The following PRELID2 variants were observed in gnomAD, a reference collection of about 807,000 sequenced individuals.
PRELID2 encodes the protein PRELI domain-containing protein 2.
A neutral mutation model predicts 28.4 loss-of-function variants in PRELID2; 25 were observed. The observed-to-expected ratio is 0.88, with a 90% CI of 0.64 to 1.23. PRELID2 has a LOEUF of 1.23. Among genes scored for constraint, PRELID2 ranks in the 50% most tolerant of loss-of-function variants. The pLI is 0.00. For missense variants in PRELID2, 201 were observed against 214.4 expected, an observed-to-expected ratio of 0.94 and a Z score of 0.39; for synonymous variants, 76 against 71.6, an observed-to-expected ratio of 1.06 and a Z score of -0.31.
Position 145,812,114 on chromosome 5 carries a change from A to ATT in PRELID2, c.368+5779_368+5780insAA, listed in dbSNP as rs557946893. Among the ~76,000 whole-genome samples the ATT allele has an allele frequency of 4.8e-3, 726 of 152,258 alleles. 2 individuals are homozygous for ATT. Among genetic ancestry groups the ATT allele is most frequent in the African/African-American group, 0.017 (696 of 41,542 alleles). On this transcript the variant is annotated intron_variant, in intron 4 of 6. Transcript: ENST00000683046. ...ATTGGTCTGGGGGAGCAGGTGTTCT[A>ATT]AGTTGACTCAATCACCATCAGGTGA...
intron 1 of PRELID2, among the ~76,000 whole-genome samples, chr5:145,509,486 CAT>C (rs1298422442): frequency 3.3e-5 from 5 of 152,320 alleles, no homozygotes; most frequent in South Asian, 2.1e-4. Flanking sequence ...GAAAATTTCA[CAT>C]GTCTGAGCAC....
chr5:145,279,694 A>G, the PRELID2 span, among the ~76,000 whole-genome samples: 1 of 152,196 alleles, frequency 6.6e-6, no homozygotes, highest in East Asian at 1.9e-4. Context: ...TTTCAATTAA[A>G]TTCATTTTTT....
At chr5:145,500,084 G>T (rs1459281043) in intron 1 of PRELID2, among the ~76,000 whole-genome samples, 1 of 152,158 alleles carries the variant, frequency 6.6e-6, no homozygotes, top group Non-Finnish European at 1.5e-5. Flanking sequence ...GTGTCGCAAG[G>T]TGGGAACATA....
At chr5:145,569,777 G>A (rs145700153) in intron 1 of PRELID2, among the ~76,000 whole-genome samples, 8 of 152,296 alleles carry the variant, frequency 5.3e-5, no homozygotes, top group South Asian at 2.1e-4. Context: ...CTGTGTGCCC[G>A]ACACTGTACT....
intron 1 of PRELID2, among the ~76,000 whole-genome samples, chr5:145,581,301 A>G (rs1184062788): frequency 6.6e-6 from 1 of 152,028 alleles, no homozygotes; most frequent in African/African-American, 2.4e-5. Context: ...ATATCATCAC[A>G]CATTTGTTCA....
chr5:145,560,852 A>G (rs1196250871), intron 1 of PRELID2, among the ~76,000 whole-genome samples: 1 of 152,172 alleles, frequency 6.6e-6, no homozygotes, highest in Non-Finnish European at 1.5e-5. Context: ...CTTGTTTACA[A>G]TCCATCTGGG....
chr5:145,535,877 T>C (rs1174674088), intron 1 of PRELID2, among the ~76,000 whole-genome samples: 3 of 152,002 alleles, frequency 2.0e-5, no homozygotes, highest in African/African-American at 7.2e-5. Flanking sequence ...GGCAAAGTAA[T>C]GTTCACATCC....
At chr5:145,518,209 T>C (rs2126647213) in intron 1 of PRELID2, among the ~76,000 whole-genome samples, 1 of 151,706 alleles carries the variant, frequency 6.6e-6, no homozygotes, top group South Asian at 2.1e-4. Flanking sequence ...TGGTTTTGTT[T>C]GTGTGTTTGA....
chr5:145,342,333 C>A, the PRELID2 span, among the ~76,000 whole-genome samples: 17 of 152,114 alleles, frequency 1.1e-4, no homozygotes, highest in African/African-American at 3.9e-4. Context: ...TCTGGTGAAG[C>A]AATCACACAA....
chr5:145,658,383 T>C (rs1019086878), intron 1 of PRELID2, among the ~76,000 whole-genome samples: 1 of 152,192 alleles, frequency 6.6e-6, no homozygotes, highest in Non-Finnish European at 1.5e-5. Context: ...TCCATTGAGA[T>C]GCAACATGTG....
intron 1 of PRELID2, among the ~76,000 whole-genome samples, chr5:145,669,326 G>T (rs1308105108): frequency 6.6e-6 from 1 of 152,062 alleles, no homozygotes; most frequent in Non-Finnish European, 1.5e-5. Context: ...GCAAACACAG[G>T]TGTGTCCAAA....
chr5:145,356,011 A>T, the PRELID2 span, among the ~76,000 whole-genome samples: 1 of 152,158 alleles, frequency 6.6e-6, no homozygotes, highest in Non-Finnish European at 1.5e-5. Flanking sequence ...ATGGAATAAG[A>T]GTACTACAGT....
At chr5:145,292,104 C>T in the PRELID2 span, among the ~76,000 whole-genome samples, 4 of 151,570 alleles carry the variant, frequency 2.6e-5, no homozygotes, top group African/African-American at 7.3e-5. Context: ...TCTGTAGGCT[C>T]TACAAAAAAA....
chr5:145,715,300 A>G (rs924008706), intron 1 of PRELID2, among the ~76,000 whole-genome samples: 7 of 152,076 alleles, frequency 4.6e-5, no homozygotes, highest in African/African-American at 1.7e-4. Flanking sequence ...CCCAAAATCA[A>G]TGCAATAGCA....
intron 1 of PRELID2, among the ~76,000 whole-genome samples, chr5:145,706,444 C>T (rs2149706761): frequency 6.6e-6 from 1 of 152,268 alleles, no homozygotes; most frequent in South Asian, 2.1e-4. Flanking sequence ...AGTTGGTTTT[C>T]CTTTATAGAA....
chr5:145,643,387 G>C (rs879337901), intron 1 of PRELID2, among the ~76,000 whole-genome samples: 2 of 152,146 alleles, frequency 1.3e-5, no homozygotes, highest in Non-Finnish European at 2.9e-5. Flanking sequence ...TGCTGAATTT[G>C]CTTATCAGCT....
the PRELID2 span, among the ~76,000 whole-genome samples, chr5:145,316,365 T>C: frequency 5.5e-4 from 84 of 152,334 alleles, no homozygotes; most frequent in Admixed American, 9.8e-4. Context: ...TGTTTCAATT[T>C]CACTGTCCTC....
At chr5:145,700,846 C>T (rs1473115263) in intron 1 of PRELID2, among the ~76,000 whole-genome samples, 1 of 152,210 alleles carries the variant, frequency 6.6e-6, no homozygotes, top group Non-Finnish European at 1.5e-5. Flanking sequence ...ATACCTTTGG[C>T]AGTGCATCTA....
the PRELID2 span, among the ~76,000 whole-genome samples, chr5:145,352,878 T>C: frequency 3.3e-5 from 5 of 152,294 alleles, no homozygotes; most frequent in Admixed American, 2.6e-4. Flanking sequence ...GAATCACCTT[T>C]ATTCCAGTTC....
Sources: allele counts gnomAD v4.1 joint callset (sites outside exome capture counted in the v4.1 genomes callset), GRCh38; gene constraint gnomAD v4.1.1; transcripts MANE v1.5; gene names NCBI Gene and HGNC (gene_info 2026-07-23, HGNC 2026-07-21).